The following COP1 variants were observed in gnomAD, a reference collection of about 807,000 sequenced individuals.
COP1 encodes the protein E3 ubiquitin-protein ligase COP1.
In COP1, 24 loss-of-function variants were observed where a neutral mutation model predicts 101.3. The ratio of observed to expected loss-of-function variants is 0.24; its 90% CI spans 0.17 to 0.33. The LOEUF (loss-of-function observed/expected upper bound fraction) is 0.33, where lower values mean the gene tolerates loss of function less well. Ranked by LOEUF, COP1 falls within the 10% of genes least tolerant of loss-of-function variation. COP1 has a pLI of 1.00. For missense variants in COP1, 663 were observed against 906.2 expected (o/e 0.73, Z 3.45); for synonymous variants, 347 against 341.9 (o/e 1.01, Z -0.17).
At chr1:176,025,345 T>A (rs1224118927) in intron 15 of COP1, among the ~76,000 whole-genome samples, 1 of 150,208 alleles carries the variant, frequency 6.7e-6, no homozygotes, top group Non-Finnish European at 1.5e-5. Flanking sequence ...ATATCAAGTA[T>A]AAACAGAAAA....
chr1:176,058,569 T>G (rs898989184), intron 11 of COP1, among the ~76,000 whole-genome samples: 1 of 152,086 alleles, frequency 6.6e-6, no homozygotes, highest in African/African-American at 2.4e-5. Flanking sequence ...GCATGCTCAT[T>G]AAGAGTCATC....
At position 176,163,814 on chromosome 1, in the gene COP1, C is replaced by G; in HGVS notation, c.642+1G>C. 1.9e-6 allele frequency: 3 copies of G among 1,550,330 alleles called. No individual in the cohort carries two copies. The highest frequency in any genetic ancestry group is 2.6e-6 in the Non-Finnish European group (3 of 1,135,884). On this transcript the variant is annotated splice_donor_variant, in intron 4 of 19. Coordinates refer to ENST00000367669, the MANE Select transcript of COP1 (RefSeq NM_022457.7). LOFTEE classifies it high-confidence loss of function. Reference sequence around the variant, plus strand: ...AAATAGTAATAAGAGTTGAAACATACGGTGCTACTCACTGAGTGGTCCAAT... The same window carrying G: ...AAATAGTAATAAGAGTTGAAACATAGGGTGCTACTCACTGAGTGGTCCAAT...
chr1:175,998,807 G>A (rs1342102404), intron 15 of COP1, among the ~76,000 whole-genome samples: 1 of 152,056 alleles, frequency 6.6e-6, no homozygotes, highest in African/African-American at 2.4e-5. Flanking sequence ...TCCTAGGTAG[G>A]ATAAGGTAAA....
intron 2 of COP1, among the ~76,000 whole-genome samples, chr1:176,181,590 C>A (rs897054269): frequency 1.3e-5 from 2 of 152,066 alleles, no homozygotes; most frequent in South Asian, 4.1e-4. Flanking sequence ...CGCTTGTAAT[C>A]CCAGCACTTT....
At chr1:176,152,215 G>A (rs905986639) in intron 5 of COP1, among the ~76,000 whole-genome samples, 11 of 151,714 alleles carry the variant, frequency 7.3e-5, no homozygotes, top group Admixed American at 1.3e-4. Flanking sequence ...AGCAGTGATC[G>A]CACCATTGCA....
intron 15 of COP1, among the ~76,000 whole-genome samples, chr1:176,021,779 T>G (rs190367984): frequency 6.6e-6 from 1 of 152,280 alleles, no homozygotes; most frequent in African/African-American, 2.4e-5. Flanking sequence ...CAAAATCATT[T>G]AGAACCAAGT....
At chr1:176,166,112 C>A (rs553163513) in intron 3 of COP1, among the ~76,000 whole-genome samples, 2 of 151,960 alleles carry the variant, frequency 1.3e-5, no homozygotes, top group African/African-American at 4.8e-5. Context: ...AAAGATCAAG[C>A]CTGTATTTAT....
intron 15 of COP1, among the ~76,000 whole-genome samples, chr1:176,006,564 C>T (rs976243072): frequency 1.3e-5 from 2 of 152,162 alleles, no homozygotes; most frequent in African/African-American, 2.4e-5. Context: ...AATCCCTCAG[C>T]ATTTGCTGGT....
At chr1:176,112,913 G>A (rs945192253) in intron 9 of COP1, among the ~76,000 whole-genome samples, 1 of 152,144 alleles carries the variant, frequency 6.6e-6, no homozygotes, top group African/African-American at 2.4e-5. Flanking sequence ...TTTTACGGCT[G>A]AATAATATTC....
intron 1 of COP1, among the ~76,000 whole-genome samples, chr1:176,191,881 CG>C (rs2102148779): frequency 6.6e-6 from 1 of 152,020 alleles, no homozygotes; most frequent in East Asian, 1.9e-4. Context: ...AATAAGGAGA[CG>C]AGAGGTAAGG....
chr1:176,062,533 T>C (rs1275915484), intron 11 of COP1, among the ~76,000 whole-genome samples: 1 of 152,200 alleles, frequency 6.6e-6, no homozygotes, highest in Non-Finnish European at 1.5e-5. Context: ...AAACTGCTGA[T>C]TAAAGTGGTA....
Position 176,178,106 on chromosome 1 carries a change from G to A in COP1, c.468-2099C>T, listed in dbSNP as rs146467302. 9.5e-4 allele frequency among the ~76,000 whole-genome samples: 144 copies of A among 151,986 alleles called. 1 individual carries two copies. Among genetic ancestry groups the A allele is most frequent in the African/African-American group, 3.1e-3 (128 of 41,430 alleles). The stretch of plus-strand genomic sequence containing the variant: ...ATGTATGACTGAAAATTTCCTACAT[G>A]GAAATTTCACTGAAGGAAATAACAT... On this transcript the variant is annotated intron_variant, in intron 2 of 19. Transcript: ENST00000367669.
At chr1:176,145,766 A>G (rs1478737354) in intron 6 of COP1, among the ~76,000 whole-genome samples, 1 of 151,706 alleles carries the variant, frequency 6.6e-6, no homozygotes, top group Non-Finnish European at 1.5e-5. Flanking sequence ...CACTTAAATA[A>G]CGCTCAAAAA....
intron 15 of COP1, among the ~76,000 whole-genome samples, chr1:176,024,370 T>C (rs1433572555): frequency 6.6e-6 from 1 of 152,154 alleles, no homozygotes; most frequent in African/African-American, 2.4e-5. Flanking sequence ...ATTACTATAG[T>C]ATGGGACATC....
chr1:175,989,664 G>A (rs1391474703), intron 15 of COP1, among the ~76,000 whole-genome samples, 185 bp from the exon 16 acceptor site: 3 of 151,890 alleles, frequency 2.0e-5, no homozygotes, highest in Non-Finnish European at 2.9e-5. Flanking sequence ...GAGTATTAAG[G>A]GGTCAAAATA....
rs374053160 is a variant in COP1, at chr1:176,035,741, T to C, written c.1612+7445A>G. Among the ~76,000 whole-genome samples, 305 of 76,028 alleles carry C rather than the reference T, an allele frequency of 4.0e-3. 3 individuals carry two copies. The highest frequency in any genetic ancestry group is 0.017 in the African/African-American group (292 of 17,458). 49.9% of individuals were successfully genotyped at this position (76,028 alleles called of 152,430 possible). A position where few individuals can be genotyped will look rare whatever the true frequency, so the allele number is the denominator to read the frequency against. ...AAAAAAAAAAAAAAAAACGCAAGCA[T>C]ACAGAAAATCAGAAATACAGTAGCA... On this transcript the variant is annotated intron_variant, in intron 14 of 19. Transcript: ENST00000367669.
chr1:176,160,898 AT>A (rs1694224147), intron 5 of COP1, among the ~76,000 whole-genome samples: 1 of 152,176 alleles, frequency 6.6e-6, no homozygotes, highest in Non-Finnish European at 1.5e-5. Flanking sequence ...GTTAAAAATT[AT>A]AGTTTTCTCC....
In COP1 at chr1:176,081,641, G is replaced by A. The variant is rs564734434; in HGVS notation, c.1142-354C>T. The stretch of plus-strand genomic sequence containing the variant: ...GAGGATATTAAGAAGAGTACTGGAT[G>A]AGTATTTGTTAGTTTGAAGGAACGT... On this transcript the variant is annotated intron_variant, in intron 10 of 19. Coordinates refer to ENST00000367669, the MANE Select transcript of COP1 (RefSeq NM_022457.7). Among the ~76,000 whole-genome samples the A allele has an allele frequency of 7.2e-5, 11 of 152,162 alleles. No homozygotes were observed. The East Asian group carries it at 2.1e-3, about 29-fold the overall frequency.
At position 176,207,270 on chromosome 1, in the gene COP1, T is replaced by TGCGC. The variant is rs3833529; in HGVS notation, c.-296_-293dup. On this transcript the variant is annotated 5_prime_UTR_variant, in exon 1 of 20. Transcript: ENST00000367669. ...AACCCCGGCGCGCCGTGGCCGGCCGTGCGCGCGCGCGCGAGCGGCGGAAGA... is the reference window on the plus strand; with the variant it reads ...AACCCCGGCGCGCCGTGGCCGGCCGTGCGCGCGCGCGCGCGCGAGCGGCGGAAGA... 2.8e-5 allele frequency: 11 copies of TGCGC among 386,484 alleles called. No individual in the cohort carries two copies. The highest frequency in any genetic ancestry group is 1.5e-4 in the East Asian group (4 of 27,256). The allele number at this position is 386,484 out of a possible 1,614,324, so 23.9% of individuals were successfully genotyped here. A position where few individuals can be genotyped will look rare whatever the true frequency, so the allele number is the denominator to read the frequency against.
Sources: gnomAD v4.1 joint callset for allele counts (sites outside exome capture counted in the v4.1 genomes callset) on GRCh38, gnomAD v4.1.1 for gene constraint, MANE v1.5 for transcripts, NCBI Gene and HGNC (gene_info 2026-07-23, HGNC 2026-07-21) for gene names.